Variants in ANXA8 observed in about 807,000 individuals in gnomAD.
ANXA8 encodes annexin A8.
In ANXA8, 9 loss-of-function variants were observed where a neutral mutation model predicts 26.8. That is an observed-to-expected ratio of 0.34 (90% CI 0.20 to 0.59). The LOEUF (loss-of-function observed/expected upper bound fraction) is 0.59, where lower values mean the gene tolerates loss of function less well. ANXA8 is among the 20% of genes least tolerant of loss of function. ANXA8 has a pLI of 0.84. For missense variants in ANXA8, 83 were observed against 238.5 expected (o/e 0.35, Z 4.29); for synonymous variants, 39 against 94.8 (o/e 0.41, Z 3.42).
chr10:47,678,798 T>TG, the ANXA8 span, among the ~76,000 whole-genome samples: 3 of 149,984 alleles, frequency 2.0e-5, no homozygotes, highest in East Asian at 2.0e-4. Context: ...CCTAGCACTT[T>TG]GGGGGGCCGA....
chr10:47,695,163 G>C, the ANXA8 span, among the ~76,000 whole-genome samples: 1 of 151,074 alleles, frequency 6.6e-6, no homozygotes, highest in Non-Finnish European at 1.5e-5. Context: ...GCTCTTCCTG[G>C]CTAGGCAGTG....
At chr10:47,704,037 A>G in the ANXA8 span, among the ~76,000 whole-genome samples, 2 of 141,482 alleles carry the variant, frequency 1.4e-5, 1 homozygote. Flanking sequence ...TATAGACTAG[A>G]GGAGACCAAA....
the ANXA8 span, among the ~76,000 whole-genome samples, chr10:47,936,796 C>A: frequency 6.6e-6 from 1 of 151,876 alleles, no homozygotes; most frequent in Non-Finnish European, 1.5e-5. Flanking sequence ...ATCAGCCCGG[C>A]TAGGTCCCAG....
At chr10:47,942,044 T>G in the ANXA8 span, among the ~76,000 whole-genome samples, 8 of 147,678 alleles carry the variant, frequency 5.4e-5, no homozygotes, top group African/African-American at 2.1e-4. Context: ...TAAAATCAGT[T>G]GCTAAGCCGC....
the ANXA8 span, among the ~76,000 whole-genome samples, chr10:47,497,708 C>T: frequency 4.7e-5 from 7 of 148,222 alleles, no homozygotes; most frequent in East Asian, 1.6e-3. Context: ...GAGGCCAAGG[C>T]AGGCGGATCA....
the ANXA8 span, among the ~76,000 whole-genome samples, chr10:47,955,395 G>A: frequency 6.7e-6 from 1 of 149,884 alleles, no homozygotes; most frequent in East Asian, 2.1e-4. Flanking sequence ...ATCATTAGGG[G>A]ATTTTGTCAT....
chr10:47,718,189 G>A, the ANXA8 span, among the ~76,000 whole-genome samples: 5 of 152,062 alleles, frequency 3.3e-5, no homozygotes, highest in Non-Finnish European at 5.9e-5. Flanking sequence ...TATTTTTTTA[G>A]GCCAGACACA....
chr10:47,958,393 C>T, the ANXA8 span, among the ~76,000 whole-genome samples: 1 of 147,076 alleles, frequency 6.8e-6, no homozygotes, highest in African/African-American at 2.6e-5. Flanking sequence ...GCAGGAAAAT[C>T]ATTTAAACCT....
the ANXA8 span, among the ~76,000 whole-genome samples, chr10:47,623,485 C>A: frequency 8.9e-6 from 1 of 111,736 alleles, no homozygotes; most frequent in Non-Finnish European, 2.0e-5. Context: ...AATACACTTT[C>A]TAATAAATGC....
chr10:47,736,516 G>T, the ANXA8 span, among the ~76,000 whole-genome samples: 1 of 131,464 alleles, frequency 7.6e-6, no homozygotes, highest in Non-Finnish European at 1.6e-5. Context: ...TCTCAGAAAG[G>T]TTATCCTGAA....
the ANXA8 span, among the ~76,000 whole-genome samples, chr10:47,492,312 G>C: frequency 6.8e-6 from 1 of 147,734 alleles, no homozygotes; most frequent in Non-Finnish European, 1.5e-5. Context: ...GTAGTCACCT[G>C]GTGTCGCTCA....
upstream of ANXA8, among the ~76,000 whole-genome samples, chr10:47,486,734 G>A (rs1458336054): frequency 1.4e-5 from 2 of 138,476 alleles, no homozygotes; most frequent in Admixed American, 7.4e-5. Context: ...CAGATCACCT[G>A]AGGTCAGGAG....
the ANXA8 span, chr10:47,986,187 GT>G: frequency 6.6e-6 from 1 of 150,610 alleles, no homozygotes; most frequent in Non-Finnish European, 1.5e-5. Flanking sequence ...ATTTTCAAAA[GT>G]GTTTGCGTTC....
At chr10:47,696,402 G>C in the ANXA8 span, 1 of 1,260,282 alleles carries the variant, frequency 7.9e-7, no homozygotes, top group South Asian at 1.3e-5. Context: ...TCTCTCTCTA[G>C]ATGTTGTTAT....
chr10:47,571,634 G>T, the ANXA8 span, among the ~76,000 whole-genome samples: 1 of 146,962 alleles, frequency 6.8e-6, no homozygotes, highest in Non-Finnish European at 1.5e-5. Context: ...ACACCAATTT[G>T]TGGAGTATTG....
At chr10:47,951,548 G>C in the ANXA8 span, among the ~76,000 whole-genome samples, 18 of 150,700 alleles carry the variant, frequency 1.2e-4, no homozygotes, top group Non-Finnish European at 2.9e-5. Flanking sequence ...CCATGCTCAC[G>C]CCTGTAATCC....
chr10:47,619,024 A>G, the ANXA8 span, among the ~76,000 whole-genome samples: 1 of 113,960 alleles, frequency 8.8e-6, no homozygotes, highest in Non-Finnish European at 1.9e-5. Context: ...TAAAATATCA[A>G]TTAATCATTG....
the ANXA8 span, among the ~76,000 whole-genome samples, chr10:47,972,403 T>C: frequency 7.6e-6 from 1 of 131,900 alleles, no homozygotes; most frequent in Non-Finnish European, 1.6e-5. Context: ...CCCTCTGGGC[T>C]CAATCTTCAA....
the ANXA8 span, among the ~76,000 whole-genome samples, chr10:47,958,580 GCCT>G: frequency 1.4e-5 from 2 of 148,036 alleles, no homozygotes; most frequent in African/African-American, 5.2e-5. Context: ...TGATGGCTTC[GCCT>G]CCTCCTCTAA....
Sources: allele counts gnomAD v4.1 joint callset (sites outside exome capture counted in the v4.1 genomes callset), GRCh38; gene constraint gnomAD v4.1.1; transcripts MANE v1.5; gene names NCBI Gene and HGNC (gene_info 2026-07-23, HGNC 2026-07-21).